Variants in ROS1 observed in about 807,000 individuals in gnomAD.
ROS1 encodes the protein ROS proto-oncogene 1, receptor tyrosine kinase.
Under a neutral mutation model 273.5 loss-of-function variants are expected in ROS1, and 263 were observed. The observed-to-expected ratio is 0.96, with a 90% CI of 0.87 to 1.06. The LOEUF is 1.06. Ranked by LOEUF, ROS1 falls within the 50% of genes least tolerant of loss-of-function variation. The pLI, the probability that ROS1 is intolerant of heterozygous loss-of-function variation, is 0.00. For missense variants in ROS1, 2,833 were observed against 2,751.1 expected (o/e 1.03, Z -0.67); for synonymous variants, 1,008 against 954.1 (o/e 1.06, Z -1.04).
At chr6:117,341,667 G>T (rs749429295) in intron 29 of ROS1, 35 bp from the exon 30 acceptor site, 3 of 1,481,134 alleles carry the variant, frequency 2.0e-6, no homozygotes, top group Non-Finnish European at 2.8e-6. Flanking sequence ...AAAGGATGCT[G>T]CAATAGCACT....
chr6:117,405,285 G>T (rs944968973), intron 5 of ROS1, among the ~76,000 whole-genome samples: 2 of 152,134 alleles, frequency 1.3e-5, no homozygotes, highest in African/African-American at 2.4e-5. Context: ...ACCAAATAAA[G>T]TCTATACTCT....
intron 18 of ROS1, among the ~76,000 whole-genome samples, chr6:117,377,715 G>A (rs965041079): frequency 2.0e-5 from 3 of 151,410 alleles, no homozygotes; most frequent in Non-Finnish European, 4.4e-5. Context: ...GGACTTAATC[G>A]AAATGAAATT....
At position 117,389,487 on chromosome 6, in the gene ROS1, C is replaced by G. The variant is rs753367494; in HGVS notation, c.1649G>C (p.Gly550Ala). The G allele has an allele frequency of 3.1e-6, 5 of 1,614,030 alleles. No individual in the cohort carries two copies. The highest frequency in any genetic ancestry group is 3.3e-5 in the Admixed American group (2 of 60,002). The change falls in exon 13 of 44, where the codon GGG (glycine) becomes GCG (alanine). Residue 550 changes from glycine to alanine, a missense_variant. Transcript: ENST00000368507. ...GCDLSHIEEF[G>A]FGNLVIFGSS... ...GCCAAAGATGACCAAGTTACCAAAC[C>G]CAAATTCTTCTATGTGACTCAGGTC...
chr6:117,312,030 G>A (rs1221046273), intron 39 of ROS1, among the ~76,000 whole-genome samples: 1 of 152,002 alleles, frequency 6.6e-6, no homozygotes, highest in Non-Finnish European at 1.5e-5. Flanking sequence ...GAATTCCTGA[G>A]CACAGCCTCC....
At chr6:117,348,659 CTTCTT>C (rs1003505136) in intron 27 of ROS1, among the ~76,000 whole-genome samples, 3 of 151,656 alleles carry the variant, frequency 2.0e-5, no homozygotes, top group African/African-American at 7.2e-5. Flanking sequence ...TTAATTTACT[CTTCTT>C]TTTCTAGTTT....
At chr6:117,409,496 T>C (rs1774720409) in intron 5 of ROS1, 86 bp downstream of exon 5, 2 of 906,050 alleles carry the variant, frequency 2.2e-6, no homozygotes, top group African/African-American at 1.6e-5. Context: ...TCAAGATGTT[T>C]TGAGAGGTGT....
intron 35 of ROS1, among the ~76,000 whole-genome samples, chr6:117,322,019 A>T (rs1292355371): frequency 6.6e-6 from 1 of 151,882 alleles, no homozygotes; most frequent in Non-Finnish European, 1.5e-5. Flanking sequence ...GTTTTATAAT[A>T]ATAAAATTTT....
At position 117,414,476 on chromosome 6, in the gene ROS1, G is replaced by A. The variant is rs530718051; in HGVS notation, c.255+43C>T. On this transcript the variant is annotated intron_variant, in intron 4 of 43. Transcript: ENST00000368507. ...AAGCTTTTTAGAGACCAGAGATGAA[G>A]ACATGTGGCTTGATTACATCTTTTT... is the stretch of plus-strand genomic sequence containing the variant. 8.5e-4 allele frequency: 625 copies of A among 732,312 alleles called. 17 individuals are homozygous for A. The South Asian group carries it at 9.3e-3, about 11-fold the overall frequency. 45.4% of individuals were successfully genotyped at this position (732,312 alleles called of 1,614,324 possible). A position where few individuals can be genotyped will look rare whatever the true frequency, so the allele number is the denominator to read the frequency against.
rs1372297769 is a variant in ROS1, at chr6:117,287,717, C to G, written c.*775G>C. ...CAGGTGGATCCCGAGGTCAGGAGTT[C>G]TAGACCAGCCTGGCCAATATGGTGA... On this transcript the variant is annotated 3_prime_UTR_variant, in exon 44 of 44. Coordinates refer to ENST00000368507, the MANE Select transcript of ROS1 (RefSeq NM_001378902.1). Among the ~76,000 whole-genome samples the G allele has an allele frequency of 6.6e-6, 1 of 152,056 alleles. No individual in the cohort carries two copies. Among genetic ancestry groups the G allele is most frequent in the Non-Finnish European group, 1.5e-5 (1 of 68,002 alleles).
At chr6:117,330,269 C>T (rs1225200190) in intron 32 of ROS1, among the ~76,000 whole-genome samples, 1 of 152,086 alleles carries the variant, frequency 6.6e-6, no homozygotes, top group African/African-American at 2.4e-5. Flanking sequence ...TGGGGCTTCC[C>T]TGCAGAATCT....
chr6:117,415,414 G>A (rs1171243692), intron 3 of ROS1, among the ~76,000 whole-genome samples: 2 of 152,168 alleles, frequency 1.3e-5, no homozygotes, highest in Non-Finnish European at 2.9e-5. Context: ...AATAGAAAAT[G>A]ACATTAGGAT....
chr6:117,416,160 A>G, intron 3 of ROS1, 98 bp downstream of exon 3: 1 of 756,050 alleles, frequency 1.3e-6, no homozygotes, highest in East Asian at 2.6e-5. Flanking sequence ...CAAGCAAACT[A>G]GTTGAAAGCC....
At chr6:117,403,696 G>A (rs955497920) in intron 6 of ROS1, among the ~76,000 whole-genome samples, 1 of 151,996 alleles carries the variant, frequency 6.6e-6, no homozygotes, top group Admixed American at 6.6e-5. Context: ...TAGCTGTGAT[G>A]GGCAGATAAT....
At chr6:117,394,782 G>A (rs761862170) in intron 9 of ROS1, 44 bp from the exon 10 acceptor site, 2 of 1,538,592 alleles carry the variant, frequency 1.3e-6, no homozygotes, top group Non-Finnish European at 1.8e-6. Flanking sequence ...ACCAACCACA[G>A]GTACACTAAC....
chr6:117,415,463 G>A lies in ROS1; in HGVS notation c.228+795C>T, dbSNP rs899177309. ...CACAATTCTTATTGATTTAACCCCT[G>A]ACCTGAACAACCTAAACAAGGGAAC... On this transcript the variant is annotated intron_variant, in intron 3 of 43. Transcript: ENST00000368507. Among the ~76,000 whole-genome samples, 5 of 152,256 alleles carry A rather than the reference G, an allele frequency of 3.3e-5. No homozygotes were observed. The East Asian group carries it at 9.6e-4, about 29-fold the overall frequency.
At chr6:117,409,538 G>C (rs372632850) in intron 5 of ROS1, 44 bp downstream of exon 5, 3 of 1,365,740 alleles carry the variant, frequency 2.2e-6, no homozygotes, top group African/African-American at 1.4e-5. Context: ...CAAGTCACTA[G>C]AGTGGTGCAG....
intron 35 of ROS1, among the ~76,000 whole-genome samples, chr6:117,322,334 A>G (rs1354453527): frequency 1.3e-5 from 2 of 152,158 alleles, no homozygotes; most frequent in Non-Finnish European, 2.9e-5. Context: ...GCCTTCTGAA[A>G]CCTCAGCAAC....
intron 5 of ROS1, among the ~76,000 whole-genome samples, chr6:117,405,260 C>T (rs972127820): frequency 6.6e-6 from 1 of 152,094 alleles, no homozygotes; most frequent in African/African-American, 2.4e-5. Flanking sequence ...TCATCATTAC[C>T]AACACCAGAC....
intron 5 of ROS1, among the ~76,000 whole-genome samples, chr6:117,408,508 A>T (rs1286768696): frequency 6.6e-6 from 1 of 152,208 alleles, no homozygotes; most frequent in Non-Finnish European, 1.5e-5. Flanking sequence ...TCAAAACCAC[A>T]ATGAGATACC....
Sources: allele counts gnomAD v4.1 joint callset (sites outside exome capture counted in the v4.1 genomes callset), GRCh38; gene constraint gnomAD v4.1.1; transcripts MANE v1.5; gene names NCBI Gene and HGNC (gene_info 2026-07-23, HGNC 2026-07-21).